Variants in UNC5C observed in about 807,000 individuals in gnomAD.
UNC5C encodes the protein unc-5 netrin receptor C, also known as netrin receptor UNC5C.
In UNC5C, 47 loss-of-function variants were observed where a neutral mutation model predicts 99.8. The observed-to-expected ratio is 0.47, with a 90% CI of 0.37 to 0.60. The LOEUF is 0.60. Among genes scored for constraint, UNC5C ranks in the 20% least tolerant of loss-of-function variants. The pLI is 0.00. For synonymous variants in UNC5C, 487 were observed against 452.2 expected, an observed-to-expected ratio of 1.08 and a Z score of -0.98; for missense variants, 1,062 against 1,165.9, an observed-to-expected ratio of 0.91 and a Z score of 1.30.
chr4:95,326,511 G>T (rs532174301), intron 2 of UNC5C, among the ~76,000 whole-genome samples: 3 of 152,206 alleles, frequency 2.0e-5, no homozygotes, highest in Admixed American at 1.3e-4. Flanking sequence ...AATTTTGAAG[G>T]CAACATAGGT....
chr4:95,457,813 C>T (rs921143416), intron 1 of UNC5C, among the ~76,000 whole-genome samples: 29 of 152,102 alleles, frequency 1.9e-4, no homozygotes, highest in Admixed American at 1.7e-3. Flanking sequence ...CTTTACAACA[C>T]AAGAAACTGA....
At chr4:95,247,207 C>A (rs1739534409) in intron 5 of UNC5C, among the ~76,000 whole-genome samples, 1 of 151,916 alleles carries the variant, frequency 6.6e-6, no homozygotes. Flanking sequence ...CTAAAAATTA[C>A]ATTAACAAAA....
intron 4 of UNC5C, among the ~76,000 whole-genome samples, chr4:95,255,260 G>A (rs557128220): frequency 1.0e-3 from 156 of 152,262 alleles, no homozygotes; most frequent in South Asian, 4.8e-3. Context: ...GATTACAGGT[G>A]TGAGCCACCA....
At chr4:95,361,676 C>T (rs951618152) in intron 1 of UNC5C, among the ~76,000 whole-genome samples, 3 of 152,124 alleles carry the variant, frequency 2.0e-5, no homozygotes, top group Admixed American at 1.3e-4. Flanking sequence ...TTTCAGTAGT[C>T]AAGAGTGCAG....
Position 95,278,293 on chromosome 4 carries a change from T to C in UNC5C, c.560A>G (p.Gln187Arg). The C allele has an allele frequency of 6.2e-7, 1 of 1,614,132 alleles. No individual in the cohort carries two copies. The highest frequency in any genetic ancestry group is 8.5e-7 in the Non-Finnish European group (1 of 1,180,008). ...TGGGATCCCTTCAGGTGGTCGACAC[T>C]GGAGTAAGACTTCCTGTTCCAAAGA... Reference protein sequence around the residue: ...EVSLEQEVLLQCRPPEGIPVA... With the variant: ...EVSLEQEVLLRCRPPEGIPVA... Residue 187 changes from glutamine to arginine, a missense_variant, in exon 4 of 16, where the codon CAG (glutamine) becomes CGG (arginine). Gln to Arg is a conservative substitution (Grantham distance 43, BLOSUM62 1). Transcript: ENST00000453304.
intron 1 of UNC5C, among the ~76,000 whole-genome samples, chr4:95,447,510 T>A (rs989745459): frequency 6.6e-6 from 1 of 152,224 alleles, no homozygotes; most frequent in African/African-American, 2.4e-5. Context: ...TTTATTTTTT[T>A]ATTTATTTGA....
intron 12 of UNC5C, among the ~76,000 whole-genome samples, chr4:95,195,077 G>A (rs1737323699): frequency 1.3e-5 from 2 of 152,092 alleles, no homozygotes; most frequent in African/African-American, 4.8e-5. Context: ...TCTTCCTTAA[G>A]CCATTATCTT....
chr4:95,430,125 AC>A (rs1257667624), intron 1 of UNC5C, among the ~76,000 whole-genome samples: 3 of 152,086 alleles, frequency 2.0e-5, no homozygotes, highest in Non-Finnish European at 2.9e-5. Flanking sequence ...AGAATGTACA[AC>A]AGTAAGAGTG....
intron 14 of UNC5C, among the ~76,000 whole-genome samples, chr4:95,181,625 G>A (rs566124368): frequency 2.5e-4 from 38 of 152,230 alleles, no homozygotes; most frequent in African/African-American, 3.4e-4. Context: ...CTGCGCATCC[G>A]AAGGCCTGGC....
chr4:95,303,777 T>C (rs1334260592), intron 2 of UNC5C, among the ~76,000 whole-genome samples: 1 of 152,106 alleles, frequency 6.6e-6, no homozygotes, highest in African/African-American at 2.4e-5. Flanking sequence ...ATATATGATA[T>C]ATAAAATAGA....
At chr4:95,275,036 A>AAACAAAACAAAACAC in intron 4 of UNC5C, among the ~76,000 whole-genome samples, 1 of 152,064 alleles carries the variant, frequency 6.6e-6, no homozygotes. Flanking sequence ...AAACAAAACA[A>AAACAAAACAAAACAC]AACAAAACAA....
intron 1 of UNC5C, among the ~76,000 whole-genome samples, chr4:95,490,042 G>T (rs1014026738): frequency 5.1e-4 from 70 of 137,120 alleles, no homozygotes; most frequent in African/African-American, 1.7e-3. Context: ...AGAAGAGAAG[G>T]GGACCCCAGA....
intron 1 of UNC5C, among the ~76,000 whole-genome samples, chr4:95,392,223 A>G (rs2149445384): frequency 6.6e-6 from 1 of 152,236 alleles, no homozygotes; most frequent in East Asian, 1.9e-4. Context: ...TTCACTCCCT[A>G]GAAACTTAGC....
intron 1 of UNC5C, among the ~76,000 whole-genome samples, chr4:95,474,254 A>T (rs1392817803): frequency 1.3e-5 from 2 of 152,062 alleles, no homozygotes; most frequent in Admixed American, 6.6e-5. Context: ...ACATACACAC[A>T]CACGTGTGTG....
chr4:95,502,743 T>C lies in UNC5C; in HGVS notation c.124+45991A>G, dbSNP rs1379737459. Among the ~76,000 whole-genome samples the C allele has an allele frequency of 2.6e-5, 4 of 152,318 alleles. 1 individual carries two copies. The highest frequency in any genetic ancestry group is 9.6e-5 in the African/African-American group (4 of 41,584). On this transcript the variant is annotated intron_variant, in intron 1 of 15. Transcript: ENST00000453304. ...AATGAAAATAGACAGTTTTATTGTA[T>C]GAAAATCTTAATAAAATTGTTCCCT...
At chr4:95,354,479 A>ATATATATATATTTTTTTTTT in intron 1 of UNC5C, among the ~76,000 whole-genome samples, 6 of 110,348 alleles carry the variant, frequency 5.4e-5, no homozygotes, top group African/African-American at 1.2e-4. Flanking sequence ...ATATATATAT[A>ATATATATATATTTTTTTTTT]TTTTTTTTTT....
chr4:95,404,259 A>G (rs1745775187), intron 1 of UNC5C, among the ~76,000 whole-genome samples: 1 of 152,214 alleles, frequency 6.6e-6, no homozygotes, highest in African/African-American at 2.4e-5. Context: ...AAAACTACCC[A>G]AAGTATGTCA....
Position 95,206,806 on chromosome 4 carries a change from G to A in UNC5C, c.1734-10C>T, listed in dbSNP as rs765799548. 2 of 1,558,964 alleles carry A rather than the reference G, an allele frequency of 1.3e-6. No individual in the cohort carries two copies. Among genetic ancestry groups the A allele is most frequent in the South Asian group, 2.4e-5 (2 of 82,956 alleles). Reference sequence around the variant, plus strand: ...GTCATCCATGGGTGGCCTAGGAGGAGAGCAGAGAATGGCTTCAGTGACATT... The same window carrying A: ...GTCATCCATGGGTGGCCTAGGAGGAAAGCAGAGAATGGCTTCAGTGACATT... On this transcript the variant is annotated splice_polypyrimidine_tract_variant and intron_variant, in intron 10 of 15. Transcript: ENST00000453304.
chr4:95,330,151 C>A (rs1010807476), intron 2 of UNC5C, among the ~76,000 whole-genome samples: 32 of 152,058 alleles, frequency 2.1e-4, no homozygotes, highest in African/African-American at 7.0e-4. Context: ...GTTTCTTGAT[C>A]TCTATTTTAA....
Sources: allele counts gnomAD v4.1 joint callset (sites outside exome capture counted in the v4.1 genomes callset), GRCh38; gene constraint gnomAD v4.1.1; transcripts MANE v1.5; gene names NCBI Gene and HGNC (gene_info 2026-07-23, HGNC 2026-07-21).